OCIAD2: variants seen among roughly 807,000 people sequenced by gnomAD.
OCIAD2 encodes OCIA domain containing 2, also known as OCIA domain-containing protein 2.
OCIAD2 carries 29 observed loss-of-function variants against 22.9 expected under a neutral mutation model. The observed-to-expected ratio is 1.27, with a 90% CI of 0.94 to 1.73. The LOEUF (loss-of-function observed/expected upper bound fraction) is 1.73. OCIAD2 is among the 40% of genes most tolerant of loss of function. The pLI, the probability that OCIAD2 is intolerant of heterozygous loss-of-function variation, is 0.00. For synonymous variants in OCIAD2, 67 were observed against 60.2 expected, an observed-to-expected ratio of 1.11 and a Z score of -0.52; for missense variants, 189 against 180.3, an observed-to-expected ratio of 1.05 and a Z score of -0.28.
intron 1 of OCIAD2, among the ~76,000 whole-genome samples, chr4:48,906,182 C>A (rs550268766): frequency 6.6e-6 from 1 of 152,330 alleles, no homozygotes; most frequent in South Asian, 2.1e-4. Context: ...TAAAAGCAAG[C>A]CTTCCGAGGG....
intron 4 of OCIAD2, among the ~76,000 whole-genome samples, chr4:48,895,379 C>T (rs1781281865): frequency 6.6e-6 from 1 of 152,102 alleles, no homozygotes; most frequent in Non-Finnish European, 1.5e-5. Context: ...AACAGAATAC[C>T]ATACGCTGGA....
rs1346597121 is a variant in OCIAD2 at position 48,901,440 on chromosome 4, C to G, written c.67-1515G>C. 2.6e-5 allele frequency among the ~76,000 whole-genome samples: 4 copies of G among 152,120 alleles called. No homozygotes were observed. In the East Asian group the frequency reaches 5.8e-4, roughly 22 times the overall value. ...TGAACATTCCCTTATGGCTCCGCAG[C>G]CTGTGTAAGAGCTAGGTATGGGTAA... On this transcript the variant is annotated intron_variant, in intron 2 of 6. Transcript: ENST00000508632.
At position 48,902,907 on chromosome 4, in the gene OCIAD2, T is replaced by C. The variant is rs114515459; in HGVS notation, c.66+1577A>G. ...GGTGGAGGTTGCAGTGAGCCAAGAT[T>C]GTTCCATAGCACTCTAGCCTGGATG... On this transcript the variant is annotated intron_variant, in intron 2 of 6. Transcript: ENST00000508632. Among the ~76,000 whole-genome samples the C allele has an allele frequency of 8.1e-3, 1,235 of 152,114 alleles. 18 individuals are homozygous for C. The highest frequency in any genetic ancestry group is 0.029 in the African/African-American group (1,188 of 41,496).
chr4:48,898,262 T>A (rs7697930), intron 3 of OCIAD2, among the ~76,000 whole-genome samples: 3,928 of 152,264 alleles, frequency 0.026, 158 homozygotes, highest in African/African-American at 0.089. Flanking sequence ...TAAAAAGCAA[T>A]ACAATAAACT....
chr4:48,892,715 CT>C, intron 6 of OCIAD2, 56 bp downstream of exon 6: 1 of 890,120 alleles, frequency 1.1e-6, no homozygotes, highest in South Asian at 1.9e-5. Context: ...AGTGAGTAAT[CT>C]TTCATTTAAT....
intron 2 of OCIAD2, among the ~76,000 whole-genome samples, chr4:48,902,280 T>C (rs567944363): frequency 1.1e-4 from 17 of 152,312 alleles, no homozygotes; most frequent in African/African-American, 4.1e-4. Context: ...GTGTAATAGA[T>C]GTCAATGTAC....
chr4:48,885,922 T>C (rs750335566), intron 6 of OCIAD2, among the ~76,000 whole-genome samples: 1 of 152,240 alleles, frequency 6.6e-6, no homozygotes, highest in African/African-American at 2.4e-5. Flanking sequence ...AGAAGCTCTT[T>C]AGCTTAATAA....
chr4:48,905,593 C>A (rs1370134090), intron 1 of OCIAD2, among the ~76,000 whole-genome samples: 8 of 152,178 alleles, frequency 5.3e-5, no homozygotes, highest in Non-Finnish European at 1.0e-4. Flanking sequence ...TGAGCCTCCT[C>A]CTGCCCCCAG....
intron 1 of OCIAD2, among the ~76,000 whole-genome samples, chr4:48,906,358 C>A (rs534608273): frequency 1.3e-5 from 2 of 152,268 alleles, no homozygotes; most frequent in East Asian, 3.9e-4. Context: ...CTTAGGATGG[C>A]TTGGAGGGGG....
Position 48,899,817 on chromosome 4 carries a change from A to T in OCIAD2, c.163+12T>A. 6.3e-7 allele frequency: 1 copy of T among 1,581,470 alleles called. No individual in the cohort carries two copies. The highest frequency in any genetic ancestry group is 8.7e-7 in the Non-Finnish European group (1 of 1,151,574). On this transcript the variant is annotated intron_variant, in intron 3 of 6. Transcript: ENST00000508632. ...AGTTTACTGCCACAAATACAGTGTT[A>T]GGTGCAATTACCTCTCTTCCAGAAA...
chr4:48,898,376 A>G (rs1781345200), intron 3 of OCIAD2, among the ~76,000 whole-genome samples: 1 of 152,188 alleles, frequency 6.6e-6, no homozygotes, highest in African/African-American at 2.4e-5. Context: ...TGAGATTTGC[A>G]AACATTATGA....
Position 48,886,482 on chromosome 4 carries a change from T to C in OCIAD2, c.384-917A>G, listed in dbSNP as rs56693712. 3.0e-3 allele frequency among the ~76,000 whole-genome samples: 452 copies of C among 150,000 alleles called. 1 individual carries two copies. Among genetic ancestry groups the C allele is most frequent in the African/African-American group, 0.01 (425 of 40,658 alleles). On this transcript the variant is annotated intron_variant, in intron 6 of 6. Transcript: ENST00000508632. ...ATTAGGTATATCTCCTAATGCTATC[T>C]CTTCCCCCTCCCCCCACCCTACAAC...
At chr4:48,898,900 G>C (rs1438426226) in intron 3 of OCIAD2, among the ~76,000 whole-genome samples, 1 of 152,050 alleles carries the variant, frequency 6.6e-6, no homozygotes, top group Non-Finnish European at 1.5e-5. Context: ...AAATCAAATA[G>C]CAACCAATTT....
At chr4:48,900,638 GT>G (rs5858133) in intron 2 of OCIAD2, among the ~76,000 whole-genome samples, 115,885 of 124,726 alleles carry the variant, frequency 0.93, 53,783 homozygotes, top group South Asian at 0.97. Context: ...GTTCTGCAGT[GT>G]TTTTTTTTTT....
chr4:48,904,348 G>T, intron 2 of OCIAD2, 136 bp downstream of exon 2: 1 of 791,368 alleles, frequency 1.3e-6, no homozygotes, highest in Non-Finnish European at 2.2e-6. Flanking sequence ...TAAGTGAGAA[G>T]CTCAAGTAGG....
Position 48,892,877 on chromosome 4 carries a change from A to G in OCIAD2, c.278T>C (p.Leu93Ser), listed in dbSNP as rs746579189. ...TGATACCTTTCCAAGGCCAAATCCC[A>G]AGAGACCAGCAACTGTAAAAGCAGG... ...SLPKVALAGL[L>S]GFGLGKVSYI... Residue 93 changes from leucine to serine, a missense_variant, in exon 6 of 7, where the codon TTG (leucine) becomes TCG (serine). Physicochemically the swap from Leu to Ser is moderately radical, Grantham distance 145 (BLOSUM62 -2). Transcript: ENST00000508632. 13 of 1,590,502 alleles carry G rather than the reference A, an allele frequency of 8.2e-6. No individual in the cohort carries two copies. Among genetic ancestry groups the G allele is most frequent in the South Asian group, 3.4e-5 (3 of 88,592 alleles).
intron 3 of OCIAD2, among the ~76,000 whole-genome samples, chr4:48,898,724 A>C (rs1321053926): frequency 1.3e-5 from 2 of 152,198 alleles, no homozygotes; most frequent in Non-Finnish European, 2.9e-5. Flanking sequence ...TTACAAGATG[A>C]CTATGTTCAC....
rs775856249 is a variant in OCIAD2 at position 48,892,903 on chromosome 4, T to C, written c.266-14A>G. ...AGAGACCAGCAACTGTAAAAGCAGG[T>C]TGGGAGAGATTAGTTGAGAATCTTC... is the stretch of plus-strand genomic sequence containing the variant. On this transcript the variant is annotated splice_polypyrimidine_tract_variant and intron_variant, in intron 5 of 6. Transcript: ENST00000508632. The C allele has an allele frequency of 5.2e-6, 7 of 1,357,522 alleles. No homozygotes were observed. Among genetic ancestry groups the C allele is most frequent in the Non-Finnish European group, 7.3e-6 (7 of 963,952 alleles). The allele number at this position is 1,357,522 out of a possible 1,614,324, so 84.1% of individuals were successfully genotyped here.
At chr4:48,904,904 G>T (rs1282117940) in intron 1 of OCIAD2, among the ~76,000 whole-genome samples, 1 of 152,128 alleles carries the variant, frequency 6.6e-6, no homozygotes, top group African/African-American at 2.4e-5. Flanking sequence ...CCGCTGTGAA[G>T]GAATTCACAG....
Sources: gnomAD v4.1 joint callset for allele counts (sites outside exome capture counted in the v4.1 genomes callset) on GRCh38, gnomAD v4.1.1 for gene constraint, MANE v1.5 for transcripts, NCBI Gene and HGNC (gene_info 2026-07-23, HGNC 2026-07-21) for gene names.